The following CDH12 variants were observed in gnomAD, a reference collection of about 807,000 sequenced individuals.
CDH12 encodes the protein cadherin-12.
CDH12 carries 41 observed loss-of-function variants against 74.1 expected under a neutral mutation model. The ratio of observed to expected loss-of-function variants is 0.55; its 90% CI spans 0.43 to 0.72. The LOEUF (loss-of-function observed/expected upper bound fraction) is 0.72, where lower values mean the gene tolerates loss of function less well. Among genes scored for constraint, CDH12 ranks in the 30% least tolerant of loss-of-function variants. CDH12 has a pLI of 0.00. For synonymous variants in CDH12, 399 were observed against 355.0 expected (o/e 1.12, Z -1.39); for missense variants, 945 against 977.2 (o/e 0.97, Z 0.44).
At position 22,426,985 on chromosome 5, in the gene CDH12, C is replaced by G. The variant is rs886303537; in HGVS notation, c.-427-21634G>C. On this transcript the variant is annotated intron_variant, in intron 2 of 14. Coordinates refer to ENST00000382254, the MANE Select transcript of CDH12 (RefSeq NM_004061.5). ...CTTCGTCTACCCTCTATCTCTTTTT[C>G]TCTTCCACACCCCTCTCCCATTTAT... 4.7e-4 allele frequency among the ~76,000 whole-genome samples: 71 copies of G among 151,988 alleles called. 1 individual carries two copies. Among genetic ancestry groups the G allele is most frequent in the Non-Finnish European group, 3.2e-4 (22 of 67,982 alleles).
chr5:22,159,953 GTA>G (rs780837193), intron 4 of CDH12, among the ~76,000 whole-genome samples: 4 of 152,170 alleles, frequency 2.6e-5, no homozygotes, highest in Non-Finnish European at 5.9e-5. Context: ...GCCTGTGTGT[GTA>G]TGATTCTTTA....
chr5:22,106,932 G>A (rs531049153), intron 4 of CDH12, among the ~76,000 whole-genome samples: 1 of 152,222 alleles, frequency 6.6e-6, no homozygotes, highest in Non-Finnish European at 1.5e-5. Flanking sequence ...TCTAATAGAT[G>A]AGCCTTCCAG....
At chr5:22,010,435 T>G (rs1344925684) in intron 5 of CDH12, among the ~76,000 whole-genome samples, 1 of 152,176 alleles carries the variant, frequency 6.6e-6, no homozygotes, top group Non-Finnish European at 1.5e-5. Context: ...CTGAGCAAAC[T>G]TAGCAAGTCT....
chr5:22,294,252 G>A (rs1737528350), intron 3 of CDH12, among the ~76,000 whole-genome samples: 1 of 152,142 alleles, frequency 6.6e-6, no homozygotes, highest in Non-Finnish European at 1.5e-5. Flanking sequence ...AGTGTTCCCT[G>A]TGAGCAAGGA....
intron 4 of CDH12, among the ~76,000 whole-genome samples, chr5:22,127,480 A>G (rs1027242255): frequency 1.2e-4 from 14 of 114,690 alleles, no homozygotes; most frequent in Non-Finnish European, 1.7e-4. Context: ...TCCATCTCGA[A>G]AAAAAAAAAA....
At chr5:22,440,533 T>C (rs1200502452) in intron 2 of CDH12, among the ~76,000 whole-genome samples, 2 of 152,186 alleles carry the variant, frequency 1.3e-5, no homozygotes, top group Non-Finnish European at 2.9e-5. Flanking sequence ...CTTGTAGTTC[T>C]AGAGAACAGA....
At chr5:22,001,903 A>G (rs907387134) in intron 5 of CDH12, among the ~76,000 whole-genome samples, 1 of 151,694 alleles carries the variant, frequency 6.6e-6, no homozygotes, top group African/African-American at 2.4e-5. Flanking sequence ...CAGGATGCCA[A>G]TCTTTGGGTT....
intron 3 of CDH12, among the ~76,000 whole-genome samples, chr5:22,336,599 G>C (rs186266360): frequency 2.6e-5 from 4 of 152,212 alleles, no homozygotes; most frequent in Non-Finnish European, 5.9e-5. Context: ...GCTTCAGAGG[G>C]TGCAAGCCAC....
At chr5:21,909,557 G>A (rs370571363) in intron 6 of CDH12, among the ~76,000 whole-genome samples, 5 of 152,040 alleles carry the variant, frequency 3.3e-5, no homozygotes, top group Admixed American at 1.3e-4. Flanking sequence ...TCACAACTCC[G>A]AATTTCTCAA....
At chr5:22,647,392 A>G (rs902621593) in intron 1 of CDH12, among the ~76,000 whole-genome samples, 4 of 151,794 alleles carry the variant, frequency 2.6e-5, no homozygotes, top group Admixed American at 6.6e-5. Context: ...ATTTAGTTCT[A>G]TATTAGTAAG....
chr5:22,339,486 T>C (rs1413912382), intron 3 of CDH12, among the ~76,000 whole-genome samples: 1 of 152,216 alleles, frequency 6.6e-6, no homozygotes, highest in African/African-American at 2.4e-5. Flanking sequence ...TTTCATTTTG[T>C]TTTAAAGAAA....
chr5:22,568,352 A>G (rs904573219), intron 1 of CDH12, among the ~76,000 whole-genome samples: 1 of 152,192 alleles, frequency 6.6e-6, no homozygotes, highest in South Asian at 2.1e-4. Context: ...GTTGGGGTTG[A>G]TATATATGTA....
At chr5:22,692,395 C>G (rs1172476424) in intron 1 of CDH12, among the ~76,000 whole-genome samples, 1 of 152,148 alleles carries the variant, frequency 6.6e-6, no homozygotes, top group Admixed American at 6.5e-5. Context: ...GCCTCCATGG[C>G]TTCTTCACAT....
At chr5:21,967,626 T>C (rs1167521613) in intron 6 of CDH12, among the ~76,000 whole-genome samples, 1 of 152,182 alleles carries the variant, frequency 6.6e-6, no homozygotes, top group Non-Finnish European at 1.5e-5. Flanking sequence ...AAAGTAACTA[T>C]CAGTACAGCA....
chr5:22,374,025 C>T (rs1187008372), intron 3 of CDH12, among the ~76,000 whole-genome samples: 2 of 152,084 alleles, frequency 1.3e-5, no homozygotes, highest in Non-Finnish European at 2.9e-5. Flanking sequence ...AACTACCGGC[C>T]CATATCTCTG....
chr5:22,008,392 G>C (rs1394406043), intron 5 of CDH12, among the ~76,000 whole-genome samples: 2 of 151,938 alleles, frequency 1.3e-5, no homozygotes, highest in Non-Finnish European at 2.9e-5. Flanking sequence ...ACCACGCCTG[G>C]CTAATTTTTG....
At chr5:21,946,098 A>G (rs2150095472) in intron 6 of CDH12, among the ~76,000 whole-genome samples, 1 of 152,286 alleles carries the variant, frequency 6.6e-6, no homozygotes, top group Non-Finnish European at 1.5e-5. Context: ...GAAGGTTGGA[A>G]GGAAACAGAT....
At chr5:22,515,506 C>T (rs537842588) in intron 1 of CDH12, among the ~76,000 whole-genome samples, 3 of 152,018 alleles carry the variant, frequency 2.0e-5, no homozygotes, top group Non-Finnish European at 4.4e-5. Context: ...CATAATTCTA[C>T]ATAGTTGACA....
intron 1 of CDH12, among the ~76,000 whole-genome samples, chr5:22,535,034 C>T (rs893041242): frequency 2.7e-5 from 4 of 148,854 alleles, no homozygotes; most frequent in African/African-American, 9.8e-5. Context: ...GTGCAGTGGC[C>T]CGTCTCCGCT....
Sources: gnomAD v4.1 joint callset for allele counts (sites outside exome capture counted in the v4.1 genomes callset) on GRCh38, gnomAD v4.1.1 for gene constraint, MANE v1.5 for transcripts, NCBI Gene and HGNC (gene_info 2026-07-23, HGNC 2026-07-21) for gene names.